The following PUDP variants were observed in gnomAD, a reference collection of about 807,000 sequenced individuals.
PUDP encodes pseudouridine-5'-phosphatase.
A neutral mutation model predicts 9.4 loss-of-function variants in PUDP; 8 were observed. The ratio of observed to expected loss-of-function variants is 0.85; its 90% CI spans 0.50 to 1.53. The LOEUF (loss-of-function observed/expected upper bound fraction) is 1.53. PUDP is among the 40% of genes most tolerant of loss of function. The pLI is 0.00. For missense variants in PUDP, 188 were observed against 189.7 expected (o/e 0.99, Z 0.05); for synonymous variants, 99 against 80.7 (o/e 1.23, Z -1.22).
At chrX:6,905,868 T>G (rs1485641145) in intron 3 of PUDP, among the ~76,000 whole-genome samples, 2 of 112,099 alleles carry the variant, frequency 1.8e-5, no homozygotes, top group Non-Finnish European at 3.8e-5. Flanking sequence ...ATTTATTATT[T>G]TTAATGCACT....
chrX:7,078,917 T>C (rs1997186), intron 2 of PUDP, among the ~76,000 whole-genome samples: 37,542 of 110,792 alleles, frequency 0.34, 4,837 homozygotes, highest in Middle Eastern at 0.46. Context: ...AAGAAGCAAA[T>C]ACCACCCACA....
At chrX:7,072,112 A>G (rs1418634886) in intron 3 of PUDP, among the ~76,000 whole-genome samples, 1 of 112,171 alleles carries the variant, frequency 8.9e-6, no homozygotes. Flanking sequence ...ACAAGGTGAT[A>G]GCATAATAGT....
intron 3 of PUDP, among the ~76,000 whole-genome samples, chrX:6,787,423 C>G (rs1161476385): frequency 8.9e-6 from 1 of 112,138 alleles, no homozygotes; most frequent in African/African-American, 3.2e-5. Flanking sequence ...TAGGCAGACA[C>G]CCAGCGAAGA....
intron 3 of PUDP, among the ~76,000 whole-genome samples, chrX:6,770,470 C>T (rs746977033): frequency 1.8e-5 from 2 of 112,251 alleles, no homozygotes; most frequent in South Asian, 7.4e-4. Context: ...AGCCAGAAGC[C>T]TTGGTTTTTT....
At chrX:7,010,265 T>A (rs1355391891) in intron 1 of PUDP, among the ~76,000 whole-genome samples, 33 of 111,557 alleles carry the variant, frequency 3.0e-4, no homozygotes, top group African/African-American at 1.0e-3. Context: ...TCTACCCAAA[T>A]CTTCTGTCCC....
chrX:6,877,084 G>A (rs1453423637), intron 3 of PUDP, among the ~76,000 whole-genome samples: 3 of 109,951 alleles, frequency 2.7e-5, no homozygotes, highest in Admixed American at 1.9e-4. Context: ...ATCCTCCCGA[G>A]TAGCTGGGAC....
At chrX:7,067,927 C>A (rs184581763) in intron 3 of PUDP, among the ~76,000 whole-genome samples, 19 of 111,094 alleles carry the variant, frequency 1.7e-4, no homozygotes, top group African/African-American at 6.2e-4. Context: ...GGAGAGATTC[C>A]CTGCATAAGC....
intron 3 of PUDP, among the ~76,000 whole-genome samples, chrX:6,870,427 G>A (rs1184422954): frequency 9.0e-6 from 1 of 111,649 alleles, no homozygotes; most frequent in Non-Finnish European, 1.9e-5. Flanking sequence ...GAGATATGAT[G>A]ATTTTATAAG....
intron 3 of PUDP, among the ~76,000 whole-genome samples, chrX:6,885,254 G>C (rs1927405278): frequency 8.9e-6 from 1 of 111,918 alleles, no homozygotes; most frequent in South Asian, 3.7e-4. Context: ...CTGTCTCTAT[G>C]TCCATGGAGC....
In PUDP at chrX:7,039,378, G is replaced by A. The variant is rs372478585; in HGVS notation, c.204+37842C>T. 2.5e-4 allele frequency among the ~76,000 whole-genome samples: 28 copies of A among 112,142 alleles called. No homozygotes were observed. The South Asian group carries it at 0.01, about 40-fold the overall frequency. On this transcript the variant is annotated intron_variant and NMD_transcript_variant, in intron 1 of 3. Transcript: ENST00000655425. The stretch of plus-strand genomic sequence containing the variant: ...AATGTTACAGACTGAATTGTGCCAC[G>A]CCTACCCCAAAACTCTTATGTTGAA...
chrX:6,726,017 C>A (rs1461691690), upstream of PUDP, among the ~76,000 whole-genome samples: 2 of 111,919 alleles, frequency 1.8e-5, no homozygotes, highest in Non-Finnish European at 3.8e-5. Flanking sequence ...ACAAAGCAAG[C>A]AGGAACGTGT....
chrX:7,116,659 C>T (rs1274612304), intron 1 of PUDP, among the ~76,000 whole-genome samples: 1 of 111,939 alleles, frequency 8.9e-6, no homozygotes, highest in Admixed American at 9.4e-5. Flanking sequence ...CCCTCTACGC[C>T]AAAAAGACCC....
At position 7,057,896 on chromosome X, in the gene PUDP, G is replaced by A. The variant is rs1003090984; in HGVS notation, c.511-7424C>T. On this transcript the variant is annotated intron_variant, in intron 3 of 3. Transcript: ENST00000381077. ...GGAGCTAGGTTAGGTTTTCAAGAGG[G>A]AAGGAGAAGGGCCCGCGGCTTGTGA... is the stretch of plus-strand genomic sequence containing the variant. The A allele has an allele frequency of 9.6e-6, 7 of 725,602 alleles. No individual in the cohort carries two copies. In the African/African-American group the frequency reaches 1.5e-4, roughly 15 times the overall value. The allele number at this position is 725,602 out of a possible 1,213,427, so 59.8% of individuals were successfully genotyped here.
intron 1 of PUDP, among the ~76,000 whole-genome samples, chrX:7,137,693 GCT>G (rs1268621978): frequency 1.8e-5 from 2 of 112,588 alleles, no homozygotes; most frequent in Admixed American, 1.9e-4. Context: ...CTGCATGGCT[GCT>G]CTTTCTTTCC....
intron 3 of PUDP, among the ~76,000 whole-genome samples, chrX:6,787,587 T>C (rs960604257): frequency 8.9e-6 from 1 of 112,455 alleles, no homozygotes; most frequent in African/African-American, 3.2e-5. Context: ...ATACAATCCT[T>C]AATGCAACTG....
intron 3 of PUDP, among the ~76,000 whole-genome samples, chrX:6,759,852 T>C (rs892815083): frequency 1.9e-4 from 20 of 107,715 alleles, no homozygotes; most frequent in Non-Finnish European, 3.6e-4. Context: ...CTCTGTGGCA[T>C]TGTGGACGCT....
At chrX:6,947,215 T>C (rs1448077712) in intron 3 of PUDP, among the ~76,000 whole-genome samples, 1 of 110,411 alleles carries the variant, frequency 9.1e-6, no homozygotes, top group African/African-American at 3.3e-5. Flanking sequence ...TTGGCCAGGC[T>C]AGTCTTGAAC....
chrX:7,094,557 C>T (rs1378303502), intron 2 of PUDP, among the ~76,000 whole-genome samples: 6 of 110,377 alleles, frequency 5.4e-5, no homozygotes, highest in African/African-American at 1.3e-4. Context: ...GGGGTTTCAC[C>T]GTGTTAGCCA....
chrX:6,725,599 T>C (rs186245336), upstream of PUDP, among the ~76,000 whole-genome samples: 28 of 112,140 alleles, frequency 2.5e-4, no homozygotes, highest in Non-Finnish European at 3.9e-4. Context: ...CATATCTTTG[T>C]TATTGTGAAT....
Sources: gnomAD v4.1 joint callset for allele counts (sites outside exome capture counted in the v4.1 genomes callset) on GRCh38, gnomAD v4.1.1 for gene constraint, MANE v1.5 for transcripts, NCBI Gene and HGNC (gene_info 2026-07-23, HGNC 2026-07-21) for gene names.